The following BLTP1 variants were observed in gnomAD, a reference collection of about 807,000 sequenced individuals.
BLTP1 encodes bridge-like lipid transfer protein family member 1, also known as fragile site-associated protein.
At chr4:122,262,888 A>C in the BLTP1 span, 1 of 1,614,048 alleles carries the variant, frequency 6.2e-7, no homozygotes. Context: ...CTACTCAGCT[A>C]CCTGACTGGA....
the BLTP1 span, chr4:122,167,884 A>G: frequency 1.5e-4 from 147 of 985,254 alleles, no homozygotes; most frequent in Non-Finnish European, 1.8e-4. Flanking sequence ...ACCAGTTTGT[A>G]TTTTGTTCCA....
the BLTP1 span, among the ~76,000 whole-genome samples, chr4:122,169,147 G>T: frequency 2.0e-5 from 3 of 151,968 alleles, no homozygotes; most frequent in Admixed American, 6.6e-5. Context: ...CAGAGATGGG[G>T]TCTCACTGTG....
the BLTP1 span, chr4:122,356,037 C>T: frequency 7.3e-7 from 1 of 1,370,868 alleles, no homozygotes. Context: ...TCTAAAGGCA[C>T]TTCAAACTAC....
At chr4:122,361,326 G>A in the BLTP1 span, among the ~76,000 whole-genome samples, 77 of 152,176 alleles carry the variant, frequency 5.1e-4, no homozygotes, top group Non-Finnish European at 9.7e-4. Flanking sequence ...ACTTAACTTC[G>A]GGGAAGGGCG....
the BLTP1 span, among the ~76,000 whole-genome samples, chr4:122,357,739 A>G: frequency 6.6e-6 from 1 of 152,234 alleles, no homozygotes; most frequent in African/African-American, 2.4e-5. Context: ...TTATGAATAT[A>G]CAATGGTAAA....
the BLTP1 span, among the ~76,000 whole-genome samples, chr4:122,159,185 C>T: frequency 2.0e-5 from 3 of 152,040 alleles, no homozygotes; most frequent in Admixed American, 1.3e-4. Flanking sequence ...TTTGGCTGGG[C>T]GCGGTGGGTG....
the BLTP1 span, chr4:122,255,140 G>A: frequency 2.5e-6 from 4 of 1,603,110 alleles, no homozygotes; most frequent in East Asian, 4.5e-5. Flanking sequence ...GAATAAAAGT[G>A]TACATTTTCC....
the BLTP1 span, among the ~76,000 whole-genome samples, chr4:122,292,124 C>T: frequency 6.6e-6 from 1 of 152,120 alleles, no homozygotes; most frequent in East Asian, 1.9e-4. Flanking sequence ...GCATGCACCA[C>T]CACACCCAGC....
the BLTP1 span, among the ~76,000 whole-genome samples, chr4:122,168,722 A>G: frequency 7.2e-3 from 1,093 of 152,040 alleles, 7 homozygotes; most frequent in Middle Eastern, 0.024. Flanking sequence ...ACACTGTAGG[A>G]AAAAAAAGGA....
At chr4:122,219,616 C>T in the BLTP1 span, 33 of 1,354,808 alleles carry the variant, frequency 2.4e-5, no homozygotes, top group Non-Finnish European at 3.5e-5. Flanking sequence ...TAACATCCAC[C>T]TGTGTATAGA....
chr4:122,342,776 A>G, the BLTP1 span, among the ~76,000 whole-genome samples: 1 of 152,234 alleles, frequency 6.6e-6, no homozygotes, highest in East Asian at 1.9e-4. Flanking sequence ...CCATTCTAAT[A>G]GGAGGTCAAG....
chr4:122,254,114 T>C, the BLTP1 span: 2 of 1,307,014 alleles, frequency 1.5e-6, no homozygotes, highest in African/African-American at 2.9e-5. Flanking sequence ...GAAAAGGTTT[T>C]GCACTTAAAA....
chr4:122,272,729 T>G, the BLTP1 span, among the ~76,000 whole-genome samples: 14 of 152,190 alleles, frequency 9.2e-5, no homozygotes, highest in African/African-American at 3.4e-4. Flanking sequence ...TAATGAAATT[T>G]ATGAAAAATT....
At chr4:122,186,924 G>A in the BLTP1 span, 1 of 728,690 alleles carries the variant, frequency 1.4e-6, no homozygotes, top group African/African-American at 1.9e-5. Context: ...CTTACTCTTG[G>A]CTTATCATTT....
chr4:122,352,607 G>A, the BLTP1 span, among the ~76,000 whole-genome samples: 7 of 152,170 alleles, frequency 4.6e-5, no homozygotes, highest in South Asian at 8.3e-4. Flanking sequence ...TGATCCACCC[G>A]CTACGGCTTC....
chr4:122,293,269 C>A, the BLTP1 span: 1 of 646,436 alleles, frequency 1.5e-6, no homozygotes, highest in Non-Finnish European at 1.9e-6. Flanking sequence ...TAGTCCAGGA[C>A]TCTCACACAG....
At chr4:122,158,682 A>G in the BLTP1 span, among the ~76,000 whole-genome samples, 2 of 152,146 alleles carry the variant, frequency 1.3e-5, no homozygotes, top group East Asian at 3.9e-4. Context: ...GAGGCAGGAG[A>G]ATGGCGTGAA....
At chr4:122,220,539 G>A in the BLTP1 span, 6 of 1,311,870 alleles carry the variant, frequency 4.6e-6, no homozygotes, top group South Asian at 2.6e-5. Flanking sequence ...TTAAAACAAT[G>A]TATTAGCTTC....
chr4:122,261,675 A>G, the BLTP1 span: 2 of 984,924 alleles, frequency 2.0e-6, no homozygotes, highest in African/African-American at 1.7e-5. Context: ...GAAGTTAGGT[A>G]GATGGGTTAA....
Sources: gnomAD v4.1 joint callset for allele counts (sites outside exome capture counted in the v4.1 genomes callset) on GRCh38, gnomAD v4.1.1 for gene constraint, MANE v1.5 for transcripts, NCBI Gene and HGNC (gene_info 2026-07-23, HGNC 2026-07-21) for gene names.